The following PDE4DIP variants were observed in gnomAD, a reference collection of about 807,000 sequenced individuals.
The protein encoded by PDE4DIP is phosphodiesterase 4D interacting protein.
A neutral mutation model predicts 221.4 loss-of-function variants in PDE4DIP; 59 were observed. That is an observed-to-expected ratio of 0.27 (90% CI 0.22 to 0.33). The LOEUF (loss-of-function observed/expected upper bound fraction) is 0.33. Ranked by LOEUF, PDE4DIP falls within the 10% of genes least tolerant of loss-of-function variation. The pLI, the probability that PDE4DIP is intolerant of heterozygous loss-of-function variation, is 1.00. For synonymous variants in PDE4DIP, 404 were observed against 815.9 expected (o/e 0.50, Z 8.60); for missense variants, 1,036 against 2,154.2 (o/e 0.48, Z 10.28).
rs1173038460 is a variant in PDE4DIP, at chr1:148,918,578, C to T, written c.142-10619C>T. ...ACTATCTCAGCTACTCTGTCCTCTG[C>T]CCAATGAGCACTGTCTCTGTCTTTG... On this transcript the variant is annotated intron_variant, in intron 1 of 43. Coordinates refer to ENST00000369354, the Ensembl canonical transcript of PDE4DIP. Among the ~76,000 whole-genome samples the T allele has an allele frequency of 1.6e-4, 21 of 131,160 alleles. 1 individual carries two copies. Among genetic ancestry groups the T allele is most frequent in the Non-Finnish European group, 2.8e-4 (17 of 61,474 alleles). The allele number at this position is 131,160 out of a possible 152,430, so 86.0% of individuals were successfully genotyped here. A position where few individuals can be genotyped will look rare whatever the true frequency, so the allele number is the denominator to read the frequency against.
chr1:149,031,838 G>A lies in PDE4DIP; in HGVS notation c.7000-106G>A, dbSNP rs587686669. The A allele has an allele frequency of 3.8e-4, 393 of 1,021,140 alleles. 2 individuals carry two copies. The highest frequency in any genetic ancestry group is 8.8e-4 in the Middle Eastern group (3 of 3,390). The allele number at this position is 1,021,140 out of a possible 1,614,324, so 63.3% of individuals were successfully genotyped here. ...CTCATCCTCTTAACTGGCTCTCACC[G>A]TGCTCCTGGCTTTGGTCACCACGTA... On this transcript the variant is annotated intron_variant, in intron 43 of 43. Transcript: ENST00000369354.
chr1:148,865,146 T>A (rs1338494717), intron 2 of PDE4DIP, among the ~76,000 whole-genome samples: 331 of 137,946 alleles, frequency 2.4e-3, no homozygotes, highest in Non-Finnish European at 3.3e-3. Context: ...TGGAGTGCAG[T>A]GGTGCCGTCT....
At chr1:148,857,611 A>T in intron 1 of PDE4DIP, among the ~76,000 whole-genome samples, 2 of 34,974 alleles carry the variant, frequency 5.7e-5, no homozygotes, top group Admixed American at 2.8e-4. Context: ...CTCATGATCC[A>T]CCCGCCTCGG....
At chr1:149,005,072 C>T (rs782133052) in exon 27 of PDE4DIP, 6 of 1,613,200 alleles carry the variant, frequency 3.7e-6, no homozygotes, top group East Asian at 2.2e-5. Flanking sequence ...AGTCAGAAAA[C>T]ATCTTGGTCC....
At chr1:148,986,275 G>T (rs2061893721) in intron 21 of PDE4DIP, 1 of 152,078 alleles carries the variant, frequency 6.6e-6, no homozygotes, top group African/African-American at 2.4e-5. Flanking sequence ...TCAGAAACTT[G>T]GCATTACATT....
chr1:149,028,868 T>G (rs1289525775), intron 41 of PDE4DIP, among the ~76,000 whole-genome samples, 165 bp downstream of exon 44: 1 of 151,930 alleles, frequency 6.6e-6, no homozygotes, highest in African/African-American at 2.4e-5. Context: ...CTCTGACCCA[T>G]GGTGGCTGCT....
intron 4 of PDE4DIP, 94 bp from the exon 8 acceptor site, chr1:148,937,653 T>A (rs587601369): frequency 1.5e-6 from 1 of 667,832 alleles, no homozygotes; most frequent in Admixed American, 2.2e-5. Flanking sequence ...AAACCTGCTA[T>A]ACTAGACCAT....
intron 30 of PDE4DIP, among the ~76,000 whole-genome samples, chr1:149,010,104 A>T (rs2068148194): frequency 6.6e-6 from 1 of 151,058 alleles, no homozygotes; most frequent in Non-Finnish European, 1.5e-5. Flanking sequence ...AAGATGGAAA[A>T]CCTCCTTCAT....
At chr1:148,820,465 G>C (rs1668785253) in intron 1 of PDE4DIP, among the ~76,000 whole-genome samples, 1 of 147,924 alleles carries the variant, frequency 6.8e-6, no homozygotes, top group Non-Finnish European at 1.5e-5. Flanking sequence ...CTACTCAGGA[G>C]GCTGAGGCAG....
At chr1:148,820,692 G>T (rs1310917917) in intron 1 of PDE4DIP, among the ~76,000 whole-genome samples, 26 of 145,164 alleles carry the variant, frequency 1.8e-4, no homozygotes, top group Non-Finnish European at 3.1e-4. Flanking sequence ...CCCTTCTTTG[G>T]ACAATAACCC....
At chr1:148,970,407 C>T (rs587772978) in intron 14 of PDE4DIP, among the ~76,000 whole-genome samples, 39 of 151,970 alleles carry the variant, frequency 2.6e-4, no homozygotes, top group African/African-American at 8.7e-4. Context: ...CTTTATTATA[C>T]CTCAGAAAAA....
rs587667275 is a variant in PDE4DIP at position 148,990,459 on chromosome 1, T to C, written c.2816-1426T>C. On this transcript the variant is annotated intron_variant, in intron 21 of 43. Coordinates refer to ENST00000369354, the Ensembl canonical transcript of PDE4DIP. ...AAGCAGAGCCTTTCATGCCTGGATG[T>C]CTGAACTCAACAGAAGGTTCTTTGG... 792 of 413,894 alleles carry C rather than the reference T, an allele frequency of 1.9e-3. 2 individuals carry two copies. Among genetic ancestry groups the C allele is most frequent in the Non-Finnish European group, 2.4e-3 (739 of 307,364 alleles). The allele number at this position is 413,894 out of a possible 1,614,324, so 25.6% of individuals were successfully genotyped here.
chr1:148,905,158 A>T (rs2041453147), intron 1 of PDE4DIP, among the ~76,000 whole-genome samples: 1 of 131,796 alleles, frequency 7.6e-6, no homozygotes, highest in Non-Finnish European at 1.6e-5. Context: ...TCTTTCCAGG[A>T]ATTTATCCAT....
intron 1 of PDE4DIP, among the ~76,000 whole-genome samples, chr1:148,905,279 G>A (rs1383640722): frequency 8.6e-6 from 1 of 116,944 alleles, no homozygotes; most frequent in Non-Finnish European, 1.7e-5. Flanking sequence ...CGCCTCCCGG[G>A]TTCATGCCAT....
chr1:149,032,729 C>G, exon 44 of PDE4DIP: 1 of 219,842 alleles, frequency 4.5e-6, no homozygotes, highest in African/African-American at 2.3e-5. Flanking sequence ...AAATTGCAGA[C>G]TGATGGCCAG....
Position 149,020,879 on chromosome 1 carries a change from A to C in PDE4DIP, c.5961-150A>C, listed in dbSNP as rs372824449. The C allele has an allele frequency of 4.8e-3, 2,754 of 579,238 alleles. 39 individuals are homozygous for C. The highest frequency in any genetic ancestry group is 0.037 in the African/African-American group (1,982 of 53,264). The allele number at this position is 579,238 out of a possible 1,614,324, so 35.9% of individuals were successfully genotyped here. ...CTGCGAAATAAAAGTGATAGTCTTC[A>C]TGACCCCCTGAGTTGACATCTGGGG... On this transcript the variant is annotated intron_variant, in intron 36 of 43. Transcript: ENST00000369354.
At chr1:148,946,095 C>T in intron 5 of PDE4DIP, among the ~76,000 whole-genome samples, 1 of 152,316 alleles carries the variant, frequency 6.6e-6, no homozygotes. Context: ...TTTCTCTCTC[C>T]TCTCTTCCCC....
intron 1 of PDE4DIP, among the ~76,000 whole-genome samples, chr1:148,919,923 CA>C (rs1441273271): frequency 6.9e-6 from 1 of 144,360 alleles, no homozygotes; most frequent in Non-Finnish European, 1.5e-5. Context: ...TACTATCTTG[CA>C]AAGGTGCAGT....
chr1:148,949,827 T>C (rs2052698591), intron 5 of PDE4DIP, among the ~76,000 whole-genome samples: 1 of 151,882 alleles, frequency 6.6e-6, no homozygotes, highest in Non-Finnish European at 1.5e-5. Context: ...TGAACTATTT[T>C]CTCTGGAAGT....
Sources: allele counts gnomAD v4.1 joint callset (sites outside exome capture counted in the v4.1 genomes callset), GRCh38; gene constraint gnomAD v4.1.1; transcripts MANE v1.5; gene names NCBI Gene and HGNC (gene_info 2026-07-23, HGNC 2026-07-21).